RSPH3: variants seen among roughly 807,000 people sequenced by gnomAD.
The protein encoded by RSPH3 is radial spoke head 3, also known as radial spoke head protein 3 homolog.
In RSPH3, 21 loss-of-function variants were observed where a neutral mutation model predicts 43.8. The ratio of observed to expected loss-of-function variants is 0.48; its 90% CI spans 0.34 to 0.69. RSPH3 has a LOEUF of 0.69. Ranked by LOEUF, RSPH3 falls within the 30% of genes least tolerant of loss-of-function variation. The pLI is 0.01. For missense variants in RSPH3, 487 were observed against 516.0 expected (o/e 0.94, Z 0.54); for synonymous variants, 173 against 179.8 (o/e 0.96, Z 0.30).
At chr6:158,986,671 T>C (rs542960944) in intron 2 of RSPH3, among the ~76,000 whole-genome samples, 1 of 152,342 alleles carries the variant, frequency 6.6e-6, no homozygotes, top group South Asian at 2.1e-4. Flanking sequence ...TATCTATATA[T>C]TTAGAAAAAT....
intron 4 of RSPH3, 27 bp downstream of exon 4, chr6:158,983,635 G>C (rs1307461442): frequency 7.0e-6 from 11 of 1,582,562 alleles, no homozygotes; most frequent in Non-Finnish European, 9.6e-6. Flanking sequence ...AAAGATTATA[G>C]AGGGAAGCCC....
the RSPH3 span, among the ~76,000 whole-genome samples, chr6:158,965,808 A>G: frequency 1.3e-5 from 2 of 152,136 alleles, no homozygotes; most frequent in South Asian, 4.1e-4. Flanking sequence ...TAAAGTGGCA[A>G]GATAAGGTGT....
chr6:158,992,208 G>A (rs1778434659), intron 2 of RSPH3, among the ~76,000 whole-genome samples: 1 of 150,932 alleles, frequency 6.6e-6, no homozygotes, highest in South Asian at 2.1e-4. Context: ...CGTATTTCTT[G>A]ATACTCCCTG....
chr6:158,994,134 T>G (rs1163073207), intron 1 of RSPH3, among the ~76,000 whole-genome samples: 1 of 152,228 alleles, frequency 6.6e-6, no homozygotes, highest in East Asian at 1.9e-4. Flanking sequence ...TTATTTTATT[T>G]ATTATTCACA....
chr6:158,982,935 A>G (rs1778084760), intron 4 of RSPH3, among the ~76,000 whole-genome samples: 1 of 152,170 alleles, frequency 6.6e-6, no homozygotes, highest in Admixed American at 6.5e-5. Flanking sequence ...CCTGACACTG[A>G]AGAGAAATAT....
chr6:158,999,769 C>A lies in RSPH3; in HGVS notation c.-219G>T, dbSNP rs753412130. ...CTCCCAGCACCACAGAGACCAGCTGCGGGGGCCGCATCGGTTGCCCAGCAA... is the reference window on the plus strand; with the variant it reads ...CTCCCAGCACCACAGAGACCAGCTGAGGGGGCCGCATCGGTTGCCCAGCAA... On this transcript the variant is annotated 5_prime_UTR_variant, in exon 1 of 8. Transcript: ENST00000367069. 7.4e-6 allele frequency: 12 copies of A among 1,610,738 alleles called. No individual in the cohort carries two copies. Among genetic ancestry groups the A allele is most frequent in the Non-Finnish European group, 9.3e-6 (11 of 1,177,832 alleles).
downstream of RSPH3, among the ~76,000 whole-genome samples, chr6:158,969,405 G>A (rs1432900871): frequency 6.6e-6 from 1 of 152,220 alleles, no homozygotes; most frequent in East Asian, 1.9e-4. Flanking sequence ...CCATGTACAT[G>A]AAAAGTAATT....
rs993639528 is a variant in RSPH3 at position 158,973,062 on chromosome 6, G to A, written c.*4476C>T. 27 of 152,164 alleles carry A rather than the reference G, an allele frequency of 1.8e-4. No homozygotes were observed. Among genetic ancestry groups the A allele is most frequent in the African/African-American group, 6.3e-4 (26 of 41,428 alleles). 9.4% of individuals were successfully genotyped at this position (152,164 alleles called of 1,614,324 possible). ...AACAAGATTGTGGAAGGTTGGTTGA[G>A]GTTAGGCCTAGGCATTACGGTTAAG... On this transcript the variant is annotated 3_prime_UTR_variant, in exon 8 of 8. Transcript: ENST00000367069.
At position 158,989,046 on chromosome 6, in the gene RSPH3, G is replaced by GA. The variant is rs146360262; in HGVS notation, c.205-2626_205-2625insT. On this transcript the variant is annotated intron_variant, in intron 2 of 7. Transcript: ENST00000367069. The surrounding 1 kb of genome is among the most constrained non-coding windows in gnomAD (Gnocchi z 4.3). ...TTTTTATTGGATATATTTTCTTAGA[G>GA]TTTTTTTTTATCTTTTTTGAGACAG... 0.018 allele frequency among the ~76,000 whole-genome samples: 2,709 copies of GA among 151,168 alleles called. 34 individuals are homozygous for GA. The highest frequency in any genetic ancestry group is 0.024 in the Middle Eastern group (7 of 294).
chr6:158,999,400 G>T, intron 1 of RSPH3, 35 bp downstream of exon 1: 1 of 1,483,508 alleles, frequency 6.7e-7, no homozygotes, highest in Non-Finnish European at 8.9e-7. Flanking sequence ...TGGGGTGCAA[G>T]TATGGACCAC....
In RSPH3 at chr6:158,975,462, C is replaced by T. The variant is rs1478132964; in HGVS notation, c.*2076G>A. 1.3e-5 allele frequency: 2 copies of T among 152,130 alleles called. No homozygotes were observed. Among genetic ancestry groups the T allele is most frequent in the Non-Finnish European group, 2.9e-5 (2 of 68,036 alleles). 9.4% of individuals were successfully genotyped at this position (152,130 alleles called of 1,614,324 possible). A position where few individuals can be genotyped will look rare whatever the true frequency, so the allele number is the denominator to read the frequency against. ...TTGGATTCCAGCTTTAGTCCTATTC[C>T]CTACTAGGCTCGTCATCTATTGCAA... On this transcript the variant is annotated 3_prime_UTR_variant, in exon 8 of 8. Transcript: ENST00000367069.
chr6:158,988,481 G>GCT (rs1471706569), intron 2 of RSPH3, among the ~76,000 whole-genome samples: 14 of 152,250 alleles, frequency 9.2e-5, no homozygotes, highest in African/African-American at 3.4e-4. Flanking sequence ...CCCACTCCTT[G>GCT]CTCTTGCTCA....
chr6:158,996,762 A>G (rs1386036927), intron 1 of RSPH3, among the ~76,000 whole-genome samples: 1 of 152,196 alleles, frequency 6.6e-6, no homozygotes, highest in African/African-American at 2.4e-5. Flanking sequence ...CTTTTTGGAT[A>G]TGGTCATTTA....
Position 158,986,218 on chromosome 6 carries a change from T to A in RSPH3, c.346+62A>T, listed in dbSNP as rs796388133. Reference sequence around the variant, plus strand: ...AAGTAATACAAAGGCCAAATAAAAATGAACTGACATAGACAACTGAGTAAA... The same window carrying A: ...AAGTAATACAAAGGCCAAATAAAAAAGAACTGACATAGACAACTGAGTAAA... On this transcript the variant is annotated intron_variant, in intron 3 of 7. Transcript: ENST00000367069. 5.9e-6 allele frequency: 9 copies of A among 1,537,470 alleles called. No individual in the cohort carries two copies. The African/African-American group carries it at 1.2e-4, about 21-fold the overall frequency.
At chr6:158,969,945 A>G (rs1007938854), downstream of RSPH3, among the ~76,000 whole-genome samples, 2 of 152,068 alleles carry the variant, frequency 1.3e-5, no homozygotes, top group Non-Finnish European at 2.9e-5. Flanking sequence ...GGTTTTCTTT[A>G]GTTCTTTGAA....
chr6:158,993,612 A>G (rs1232470136), intron 2 of RSPH3, among the ~76,000 whole-genome samples: 1 of 151,340 alleles, frequency 6.6e-6, no homozygotes, highest in African/African-American at 2.4e-5. Context: ...GAAACTCTAC[A>G]CTCATTAAAC....
chr6:158,966,584 C>A, the RSPH3 span, among the ~76,000 whole-genome samples: 4 of 152,082 alleles, frequency 2.6e-5, no homozygotes, highest in Admixed American at 6.6e-5. Flanking sequence ...TCAATGTCAT[C>A]TAAGTTATTT....
chr6:158,964,857 CT>C, the RSPH3 span, among the ~76,000 whole-genome samples: 1 of 152,036 alleles, frequency 6.6e-6, no homozygotes, highest in African/African-American at 2.4e-5. Context: ...ACCATTTGTG[CT>C]TTTGATGTCA....
chr6:158,997,881 CTT>C (rs1468645158), intron 1 of RSPH3, among the ~76,000 whole-genome samples: 1 of 146,844 alleles, frequency 6.8e-6, no homozygotes, highest in African/African-American at 2.5e-5. Context: ...ATAGACATCT[CTT>C]ATAGAAAAAG....
Sources: gnomAD v4.1 joint callset for allele counts (sites outside exome capture counted in the v4.1 genomes callset) on GRCh38, gnomAD v4.1.1 for gene constraint, Gnocchi (gnomAD v3.1) non-coding constraint, MANE v1.5 for transcripts, NCBI Gene and HGNC (gene_info 2026-07-23, HGNC 2026-07-21) for gene names.